SATB2: variants seen among roughly 807,000 people sequenced by gnomAD.
The protein encoded by SATB2 is DNA-binding protein SATB2.
In SATB2, 1 loss-of-function variant was observed where a neutral mutation model predicts 73.4. The observed-to-expected ratio is 0.01, with a 90% CI of 0.00 to 0.06. The LOEUF is 0.06. SATB2 is among the 10% of genes least tolerant of loss of function. The pLI is 1.00. For missense variants in SATB2, 459 were observed against 945.8 expected (o/e 0.49, Z 6.75); for synonymous variants, 397 against 367.0 (o/e 1.08, Z -0.93).
intron 9 of SATB2, among the ~76,000 whole-genome samples, chr2:199,320,180 G>T (rs1687847156): frequency 6.6e-6 from 1 of 152,054 alleles, no homozygotes; most frequent in African/African-American, 2.4e-5. Context: ...GTATGTGAGG[G>T]TCAGACTGGA....
intron 2 of SATB2, among the ~76,000 whole-genome samples, chr2:199,441,972 C>T (rs572966783): frequency 2.2e-4 from 34 of 152,268 alleles, no homozygotes; most frequent in South Asian, 1.2e-3. Flanking sequence ...GCCTGACCTA[C>T]GGAACTAAAT....
At chr2:199,285,669 A>T (rs952611634) in intron 10 of SATB2, among the ~76,000 whole-genome samples, 17 of 151,938 alleles carry the variant, frequency 1.1e-4, no homozygotes, top group Non-Finnish European at 1.6e-4. Flanking sequence ...ATTTAATATA[A>T]GTTGGTTCTC....
intron 5 of SATB2, among the ~76,000 whole-genome samples, chr2:199,379,726 C>A (rs1334694796): frequency 2.3e-5 from 3 of 128,366 alleles, no homozygotes; most frequent in Non-Finnish European, 4.8e-5. Flanking sequence ...CGCTATCTTG[C>A]TATGTTGCCC....
At chr2:199,451,161 ATG>A (rs1692111874) in intron 2 of SATB2, among the ~76,000 whole-genome samples, 3 of 151,428 alleles carry the variant, frequency 2.0e-5, no homozygotes, top group African/African-American at 7.3e-5. Context: ...TGAGTATACA[ATG>A]GTCAGTGGGT....
At chr2:199,430,521 G>C (rs1691470157) in intron 3 of SATB2, among the ~76,000 whole-genome samples, 1 of 152,162 alleles carries the variant, frequency 6.6e-6, no homozygotes, top group African/African-American at 2.4e-5. Context: ...TTATGGGTCA[G>C]CTAGAAACAC....
chr2:199,367,535 T>G (rs1290801059), intron 6 of SATB2, among the ~76,000 whole-genome samples: 1 of 152,184 alleles, frequency 6.6e-6, no homozygotes, highest in Non-Finnish European at 1.5e-5. Flanking sequence ...AGCACTACTT[T>G]GACATCCTGT....
At chr2:199,285,666 A>G (rs1408848224) in intron 10 of SATB2, among the ~76,000 whole-genome samples, 1 of 151,948 alleles carries the variant, frequency 6.6e-6, no homozygotes, top group Non-Finnish European at 1.5e-5. Flanking sequence ...CGGATTTAAT[A>G]TAAGTTGGTT....
At chr2:199,301,010 A>G (rs1002110367) in intron 10 of SATB2, among the ~76,000 whole-genome samples, 2 of 152,114 alleles carry the variant, frequency 1.3e-5, no homozygotes, top group Admixed American at 1.3e-4. Flanking sequence ...AGCTAACTTC[A>G]GTAATTAAAA....
chr2:199,462,949 G>A lies in SATB2; in HGVS notation c.-141+1887C>T, dbSNP rs79948337. On this transcript the variant is annotated intron_variant, in intron 1 of 11. Transcript: ENST00000260926. This position sits in a 1 kb window ranked among gnomAD's most constrained non-coding sequence, Gnocchi z 5.9. Reference sequence around the variant, plus strand: ...CCAGGAGCTGCCTCAGGCGAGGACGGGGAGCTTTCTGCACTGGGCTTCCCG... The same window carrying A: ...CCAGGAGCTGCCTCAGGCGAGGACGAGGAGCTTTCTGCACTGGGCTTCCCG... Among the ~76,000 whole-genome samples the A allele has an allele frequency of 0.039, 5,901 of 152,320 alleles. 385 individuals carry two copies. Among genetic ancestry groups the A allele is most frequent in the African/African-American group, 0.13 (5,549 of 41,568 alleles).
intron 9 of SATB2, among the ~76,000 whole-genome samples, chr2:199,321,539 TATGTGTATATATATACAC>T (rs1452242806): frequency 6.7e-6 from 1 of 149,544 alleles, no homozygotes; most frequent in Non-Finnish European, 1.5e-5. Flanking sequence ...TATATACATA[TATGTGTATATATATACAC>T]ACATACACAC....
chr2:199,383,684 A>G (rs574751377), intron 3 of SATB2, among the ~76,000 whole-genome samples: 42 of 152,318 alleles, frequency 2.8e-4, no homozygotes, highest in Non-Finnish European at 5.1e-4. Context: ...AGCAAGTAAT[A>G]TAAAAAAAAG....
rs770384540 is a variant in SATB2 at position 199,328,764 on chromosome 2, G to A, written c.1320C>T (p.Ser440=). The change falls in exon 8 of 11, where the codon AGC becomes AGT. Residue 440 remains serine, a synonymous_variant. Transcript: ENST00000417098. The part of the protein sequence containing the change: ...DRIYQDERER[S]MNPNVSMVSS... ...AGACCATGCTCACATTGGGATTCAT[G>A]CTCCGCTCCCTCTCATCCTGGTAGA... 15 of 1,613,848 alleles carry A rather than the reference G, an allele frequency of 9.3e-6. No individual in the cohort carries two copies. The highest frequency in any genetic ancestry group is 1.3e-5 in the Non-Finnish European group (15 of 1,179,958).
At chr2:199,302,541 A>G (rs2105759567) in intron 10 of SATB2, among the ~76,000 whole-genome samples, 1 of 152,284 alleles carries the variant, frequency 6.6e-6, no homozygotes, top group Middle Eastern at 3.4e-3. Context: ...CAACTGCTAC[A>G]ATATTTTATT....
intron 5 of SATB2, among the ~76,000 whole-genome samples, chr2:199,375,087 T>C (rs1197004649): frequency 6.6e-6 from 1 of 152,092 alleles, no homozygotes; most frequent in Non-Finnish European, 1.5e-5. Flanking sequence ...TCTACTTATT[T>C]AAATGGGTCA....
chr2:199,413,799 A>G (rs2105905973), intron 3 of SATB2, among the ~76,000 whole-genome samples: 1 of 152,018 alleles, frequency 6.6e-6, no homozygotes, highest in Admixed American at 6.5e-5. Flanking sequence ...TCCAGCAGCC[A>G]TTTTTCAATC....
chr2:199,385,127 T>TTTTG lies in SATB2; in HGVS notation c.347-3311_347-3308dup, dbSNP rs917580969. ...AAGTAGATTCAGATCTCCCCTACTT[T>TTTTG]TTTGTTTGTTTGTTTGTTTGTTTCT... is the stretch of plus-strand genomic sequence containing the variant. On this transcript the variant is annotated intron_variant, in intron 3 of 10. Transcript: ENST00000417098. Among the ~76,000 whole-genome samples, 22 of 152,150 alleles carry TTTTG rather than the reference T, an allele frequency of 1.4e-4. 1 individual carries two copies. In the East Asian group the frequency reaches 2.1e-3, roughly 15 times the overall value.
chr2:199,395,860 AT>A (rs1690284808), intron 3 of SATB2: 1 of 152,232 alleles, frequency 6.6e-6, no homozygotes, highest in East Asian at 1.9e-4. Flanking sequence ...TATTTTATTC[AT>A]CCATAAACCA....
chr2:199,407,052 G>A (rs964154705), intron 3 of SATB2, among the ~76,000 whole-genome samples: 6 of 151,904 alleles, frequency 3.9e-5, no homozygotes, highest in Admixed American at 2.0e-4. Context: ...TGGGTGTGGC[G>A]GCTCACACCT....
chr2:199,461,109 G>A (rs1692465007), upstream of SATB2, among the ~76,000 whole-genome samples: 1 of 152,216 alleles, frequency 6.6e-6, no homozygotes, highest in African/African-American at 2.4e-5. Flanking sequence ...TATTTTGGAT[G>A]TTTGTAGAGT....
Sources: gnomAD v4.1 joint callset for allele counts (sites outside exome capture counted in the v4.1 genomes callset) on GRCh38, gnomAD v4.1.1 for gene constraint, Gnocchi (gnomAD v3.1) non-coding constraint, MANE v1.5 for transcripts, NCBI Gene and HGNC (gene_info 2026-07-23, HGNC 2026-07-21) for gene names.